Variants in CCDC85A observed in about 807,000 individuals in gnomAD.
CCDC85A encodes coiled-coil domain containing 85A.
CCDC85A carries 38 observed loss-of-function variants against 50.2 expected under a neutral mutation model. The observed-to-expected ratio is 0.76, with a 90% CI of 0.58 to 0.99. The LOEUF is 0.99. CCDC85A is among the 50% of genes least tolerant of loss of function. CCDC85A has a pLI of 0.00. For synonymous variants in CCDC85A, 366 were observed against 301.4 expected (o/e 1.21, Z -2.22); for missense variants, 820 against 742.0 (o/e 1.11, Z -1.22).
At chr2:56,268,950 T>C (rs1670579383) in intron 2 of CCDC85A, among the ~76,000 whole-genome samples, 1 of 152,204 alleles carries the variant, frequency 6.6e-6, no homozygotes, top group Non-Finnish European at 1.5e-5. Flanking sequence ...AGGATTGCTG[T>C]CAAATTTGGA....
At chr2:56,361,071 T>G (rs4672111) in intron 3 of CCDC85A, among the ~76,000 whole-genome samples, 132,949 of 152,076 alleles carry the variant, frequency 0.87, 58,195 homozygotes, top group East Asian at 0.97. Context: ...GGCTAACATG[T>G]TGAAACCCCA....
In CCDC85A at chr2:56,384,809, A is replaced by C. The variant is rs1204347305; in HGVS notation, c.*454A>C. ...TTGAAGATATGAAGAGGTATTTTCCAGCTTCCCAAGTTTGAGAGTTGGGCA... is the reference window on the plus strand; with the variant it reads ...TTGAAGATATGAAGAGGTATTTTCCCGCTTCCCAAGTTTGAGAGTTGGGCA... On this transcript the variant is annotated 3_prime_UTR_variant, in exon 6 of 6. Transcript: ENST00000407595. 6.5e-6 allele frequency: 1 copy of C among 152,918 alleles called. No homozygotes were observed. Among genetic ancestry groups the C allele is most frequent in the East Asian group, 1.9e-4 (1 of 5,162 alleles). The allele number at this position is 152,918 out of a possible 1,614,324, so 9.5% of individuals were successfully genotyped here. A position where few individuals can be genotyped will look rare whatever the true frequency, so the allele number is the denominator to read the frequency against.
At chr2:56,380,922 C>G (rs1204047577) in intron 5 of CCDC85A, among the ~76,000 whole-genome samples, 2 of 152,108 alleles carry the variant, frequency 1.3e-5, no homozygotes, top group African/African-American at 2.4e-5. Flanking sequence ...ATTCTTTTCT[C>G]TATCCTATCA....
intron 2 of CCDC85A, among the ~76,000 whole-genome samples, chr2:56,302,646 C>G (rs146291501): frequency 2.9e-4 from 44 of 152,266 alleles, no homozygotes; most frequent in Admixed American, 9.8e-4. Flanking sequence ...TGTCCAGACA[C>G]CATCTTTACA....
At chr2:56,344,104 G>A (rs2104326804) in intron 3 of CCDC85A, among the ~76,000 whole-genome samples, 1 of 152,154 alleles carries the variant, frequency 6.6e-6, no homozygotes, top group South Asian at 2.1e-4. Flanking sequence ...TACATTCCAA[G>A]ACCCCAAGTG....
Position 56,374,188 on chromosome 2 carries a change from C to T in CCDC85A, c.1453-1628C>T, listed in dbSNP as rs954239982. On this transcript the variant is annotated intron_variant, in intron 4 of 5. Transcript: ENST00000407595. The stretch of plus-strand genomic sequence containing the variant: ...TGGAGGACAGAAACTGAGGAAGCCA[C>T]GTACATGCCATATTCTACTGCTTCC... Among the ~76,000 whole-genome samples, 6 of 152,264 alleles carry T rather than the reference C, an allele frequency of 3.9e-5. No individual in the cohort carries two copies. The South Asian group carries it at 6.2e-4, about 16-fold the overall frequency.
intron 3 of CCDC85A, among the ~76,000 whole-genome samples, chr2:56,347,215 C>T (rs1318172525): frequency 6.6e-6 from 1 of 152,168 alleles, no homozygotes; most frequent in Non-Finnish European, 1.5e-5. Context: ...GGACAACCCC[C>T]CTTTTCAGTC....
At chr2:56,197,556 A>G (rs142392151) in intron 2 of CCDC85A, among the ~76,000 whole-genome samples, 117 of 152,284 alleles carry the variant, frequency 7.7e-4, no homozygotes, top group African/African-American at 2.7e-3. Context: ...CACTTTGCAA[A>G]AAGAGCTCTC....
chr2:56,334,070 G>A (rs1202841686), intron 2 of CCDC85A, among the ~76,000 whole-genome samples: 1 of 152,202 alleles, frequency 6.6e-6, no homozygotes, highest in Non-Finnish European at 1.5e-5. Context: ...TTCTCTGAGA[G>A]CTCTTCCCTG....
rs773027482 is a variant in CCDC85A, at chr2:56,355,352, AT to A, written c.1317+12406del. On this transcript the variant is annotated intron_variant, in intron 3 of 5. Transcript: ENST00000407595. ...TTGGTCAAGAGACAGTCTGTTCAGA[AT>A]TTTTTTTTCCCTTTGAAAGCACTGT... Among the ~76,000 whole-genome samples, 13 of 151,600 alleles carry A rather than the reference AT, an allele frequency of 8.6e-5. 1 individual carries two copies. The highest frequency in any genetic ancestry group is 5.8e-4 in the East Asian group (3 of 5,146).
intron 2 of CCDC85A, among the ~76,000 whole-genome samples, chr2:56,261,572 C>T (rs1288346213): frequency 6.6e-6 from 1 of 152,204 alleles, no homozygotes; most frequent in Non-Finnish European, 1.5e-5. Flanking sequence ...ACTGAGTGAA[C>T]ATCCAATATA....
At chr2:56,267,154 G>C (rs570628681) in intron 2 of CCDC85A, among the ~76,000 whole-genome samples, 3 of 152,174 alleles carry the variant, frequency 2.0e-5, no homozygotes, top group Admixed American at 6.5e-5. Context: ...GTTCTAAAAT[G>C]GAACAATTTT....
intron 2 of CCDC85A, among the ~76,000 whole-genome samples, chr2:56,319,307 T>A (rs1673059444): frequency 6.6e-6 from 1 of 152,060 alleles, no homozygotes; most frequent in African/African-American, 2.4e-5. Flanking sequence ...GAGTACATAC[T>A]GGAGCCAGGA....
intron 2 of CCDC85A, among the ~76,000 whole-genome samples, chr2:56,273,942 G>A (rs1670811471): frequency 6.6e-6 from 1 of 152,074 alleles, no homozygotes; most frequent in Non-Finnish European, 1.5e-5. Context: ...GAGAAAACTG[G>A]GCAATTGTTA....
At chr2:56,375,521 G>A (rs1398999045) in intron 4 of CCDC85A, among the ~76,000 whole-genome samples, 1 of 152,118 alleles carries the variant, frequency 6.6e-6, no homozygotes. Context: ...CTACTCTTAA[G>A]TATCTTTGAG....
chr2:56,304,678 T>C (rs1672353757), intron 2 of CCDC85A, among the ~76,000 whole-genome samples: 1 of 152,186 alleles, frequency 6.6e-6, no homozygotes, highest in Non-Finnish European at 1.5e-5. Context: ...TGGGGGAATC[T>C]GGGAGATAGA....
intron 2 of CCDC85A, among the ~76,000 whole-genome samples, chr2:56,284,396 G>C (rs1048281798): frequency 6.6e-6 from 1 of 151,988 alleles, no homozygotes; most frequent in African/African-American, 2.4e-5. Context: ...TTTTGAGACG[G>C]AGTTTCACTC....
At chr2:56,191,270 C>G (rs529280050) in intron 1 of CCDC85A, among the ~76,000 whole-genome samples, 7 of 151,126 alleles carry the variant, frequency 4.6e-5, no homozygotes, top group African/African-American at 1.7e-4. Flanking sequence ...ATGCTCTATA[C>G]GTGTTTTTTG....
intron 2 of CCDC85A, among the ~76,000 whole-genome samples, chr2:56,309,197 T>G (rs945687108): frequency 3.3e-5 from 5 of 152,170 alleles, no homozygotes; most frequent in Non-Finnish European, 7.3e-5. Context: ...AGAGTTGTAT[T>G]TCTTGTTCAA....
Sources: gnomAD v4.1 joint callset for allele counts (sites outside exome capture counted in the v4.1 genomes callset) on GRCh38, gnomAD v4.1.1 for gene constraint, MANE v1.5 for transcripts, NCBI Gene and HGNC (gene_info 2026-07-23, HGNC 2026-07-21) for gene names.